LRRC18: variants seen among roughly 807,000 people sequenced by gnomAD.
The protein encoded by LRRC18 is leucine-rich repeat-containing protein 18.
A neutral mutation model predicts 11.2 loss-of-function variants in LRRC18; 12 were observed. The ratio of observed to expected loss-of-function variants is 1.07; its 90% CI spans 0.69 to 1.74. LRRC18 has a LOEUF of 1.74. Among genes scored for constraint, LRRC18 ranks in the 40% most tolerant of loss-of-function variants. The pLI is 0.00. For missense variants in LRRC18, 374 were observed against 330.5 expected, an observed-to-expected ratio of 1.13 and a Z score of -1.02; for synonymous variants, 155 against 130.6, an observed-to-expected ratio of 1.19 and a Z score of -1.27.
At chr10:48,938,828 T>C in the LRRC18 span, among the ~76,000 whole-genome samples, 3 of 152,244 alleles carry the variant, frequency 2.0e-5, no homozygotes, top group African/African-American at 7.2e-5. Context: ...AGAGATAATC[T>C]TTCCATCTTT....
the LRRC18 span, among the ~76,000 whole-genome samples, chr10:48,930,555 C>T: frequency 3.9e-5 from 6 of 152,112 alleles, no homozygotes; most frequent in Non-Finnish European, 7.3e-5. Context: ...AGCAAGGAAA[C>T]GGCTGGTACT....
chr10:48,912,685 G>A (rs138274510), intron 1 of LRRC18, among the ~76,000 whole-genome samples: 15 of 152,298 alleles, frequency 9.8e-5, no homozygotes, highest in African/African-American at 3.4e-4. Context: ...CCATTATTTC[G>A]TTTCTCCTAT....
chr10:48,912,037 A>G (rs1351572302), intron 1 of LRRC18, among the ~76,000 whole-genome samples: 2 of 152,200 alleles, frequency 1.3e-5, no homozygotes, highest in Non-Finnish European at 2.9e-5. Context: ...ACTTGCCAAC[A>G]ACATAGGAAA....
the LRRC18 span, among the ~76,000 whole-genome samples, chr10:48,920,455 A>G: frequency 3.3e-5 from 5 of 152,332 alleles, no homozygotes; most frequent in African/African-American, 1.2e-4. Flanking sequence ...AACATGGCAC[A>G]TGTATACATA....
chr10:48,921,743 A>ATTT, the LRRC18 span, among the ~76,000 whole-genome samples: 1 of 151,948 alleles, frequency 6.6e-6, no homozygotes, highest in African/African-American at 2.4e-5. Context: ...AAACAATACA[A>ATTT]TTTTTTTTAA....
At chr10:48,920,966 A>C in the LRRC18 span, among the ~76,000 whole-genome samples, 97 of 152,336 alleles carry the variant, frequency 6.4e-4, no homozygotes, top group Non-Finnish European at 1.2e-3. Context: ...GATTTTTATA[A>C]TGAAAATTAT....
At chr10:48,930,108 A>G in the LRRC18 span, among the ~76,000 whole-genome samples, 4 of 151,996 alleles carry the variant, frequency 2.6e-5, no homozygotes, top group South Asian at 6.3e-4. Flanking sequence ...CTTGGTCAAT[A>G]CTAGTTTAAT....
At chr10:48,920,123 GA>G in the LRRC18 span, among the ~76,000 whole-genome samples, 49,382 of 148,496 alleles carry the variant, frequency 0.33, 8,563 homozygotes, top group Non-Finnish European at 0.4. Flanking sequence ...AGACTAAAAA[GA>G]AAAAAAAAAG....
At chr10:48,913,420 T>C in exon 1 of LRRC18, 1 of 1,612,752 alleles carries the variant, frequency 6.2e-7, no homozygotes, top group Non-Finnish European at 8.5e-7. Context: ...TCCTTGGCCA[T>C]GGAATTGGGT....
the LRRC18 span, among the ~76,000 whole-genome samples, chr10:48,936,566 G>C: frequency 6.6e-6 from 1 of 151,934 alleles, no homozygotes; most frequent in African/African-American, 2.4e-5. Context: ...GGCCAGGTGT[G>C]GTGGCTCATG....
chr10:48,935,546 T>G, the LRRC18 span, among the ~76,000 whole-genome samples: 4 of 152,140 alleles, frequency 2.6e-5, no homozygotes, highest in Non-Finnish European at 4.4e-5. Context: ...ATAGCATTCA[T>G]GAAACATCAC....
At chr10:48,914,474 C>T (rs1428132316), upstream of LRRC18, among the ~76,000 whole-genome samples, 4 of 152,256 alleles carry the variant, frequency 2.6e-5, no homozygotes, top group Admixed American at 2.0e-4. Flanking sequence ...CACTAAATGT[C>T]CCTCTAGCTG....
exon 1 of LRRC18, chr10:48,913,771 C>T (rs760645390): frequency 2.5e-6 from 4 of 1,614,062 alleles, no homozygotes; most frequent in Admixed American, 1.7e-5. Flanking sequence ...TGGTTCAAGC[C>T]TAGGTTCACA....
chr10:48,917,367 G>T (rs188521788), upstream of LRRC18, among the ~76,000 whole-genome samples: 1 of 152,300 alleles, frequency 6.6e-6, no homozygotes, highest in African/African-American at 2.4e-5. Flanking sequence ...TTCCAACAGT[G>T]ATGAAAAAGA....
chr10:48,917,023 C>T (rs915443085), upstream of LRRC18, among the ~76,000 whole-genome samples: 3 of 152,060 alleles, frequency 2.0e-5, no homozygotes, highest in Non-Finnish European at 4.4e-5. Context: ...GGTTTAGATA[C>T]ACAAATACTT....
chr10:48,913,337 C>A, intron 1 of LRRC18, 55 bp downstream of exon 3: 1 of 1,543,166 alleles, frequency 6.5e-7, no homozygotes, highest in Non-Finnish European at 8.8e-7. Flanking sequence ...TAGCCCACTG[C>A]CCTCTTCCCT....
chr10:48,933,915 T>C, the LRRC18 span, among the ~76,000 whole-genome samples: 28 of 152,038 alleles, frequency 1.8e-4, no homozygotes, highest in East Asian at 4.3e-3. Flanking sequence ...TGAGAGACCA[T>C]TGGAGGCCCA....
At chr10:48,929,468 A>G in the LRRC18 span, among the ~76,000 whole-genome samples, 139,873 of 152,164 alleles carry the variant, frequency 0.92, 65,105 homozygotes, top group East Asian at 1. Context: ...GCATGGGAGG[A>G]AGTTGATTGG....
the LRRC18 span, among the ~76,000 whole-genome samples, chr10:48,936,983 G>A: frequency 1.5e-4 from 23 of 151,610 alleles, no homozygotes; most frequent in Non-Finnish European, 5.9e-5. Context: ...GCAGTGGCAC[G>A]ACCTCGGCTC....
Sources: allele counts gnomAD v4.1 joint callset (sites outside exome capture counted in the v4.1 genomes callset), GRCh38; gene constraint gnomAD v4.1.1; transcripts MANE v1.5; gene names NCBI Gene and HGNC (gene_info 2026-07-23, HGNC 2026-07-21).